The following PLPP7 variants were observed in gnomAD, a reference collection of about 807,000 sequenced individuals.
PLPP7 encodes phospholipid phosphatase 7 (inactive), also known as inactive phospholipid phosphatase 7.
PLPP7 carries 11 observed loss-of-function variants against 16.9 expected under a neutral mutation model. The ratio of observed to expected loss-of-function variants is 0.65; its 90% CI spans 0.41 to 1.08. PLPP7 has a LOEUF of 1.08. PLPP7 is among the 50% of genes least tolerant of loss of function. The probability of loss-of-function intolerance (pLI) is 0.00; values close to 1 mark genes in which losing one functional copy is unlikely to be tolerated. For missense variants in PLPP7, 358 were observed against 397.1 expected, an observed-to-expected ratio of 0.90 and a Z score of 0.84; for synonymous variants, 174 against 175.1, an observed-to-expected ratio of 0.99 and a Z score of 0.05.
At position 131,292,715 on chromosome 9, in the gene PLPP7, G is replaced by T. The variant is rs554352632; in HGVS notation, c.451+2267G>T. 6.7e-5 allele frequency: 56 copies of T among 838,092 alleles called. No individual in the cohort carries two copies. In the South Asian group the frequency reaches 2.6e-3, roughly 38 times the overall value. 51.9% of individuals were successfully genotyped at this position (838,092 alleles called of 1,614,324 possible). On this transcript the variant is annotated intron_variant, in intron 1 of 1. Coordinates refer to ENST00000372264, the MANE Select transcript of PLPP7 (RefSeq NM_032728.4). ...GCTCTAGTAAGGGGGTGAGCTCCCC[G>T]TGGTAGGAGGTATGCAAGCAAGCTG...
Position 131,289,980 on chromosome 9 carries a change from G to A in PLPP7, c.-18G>A, listed in dbSNP as rs762934684. ...GAGCCGGGCTGGCATCGGCCTTCTC[G>A]GGGTGAGCGAGGTCACCATGCCAGC... On this transcript the variant is annotated 5_prime_UTR_variant, in exon 1 of 2. Coordinates refer to ENST00000372264, the MANE Select transcript of PLPP7 (RefSeq NM_032728.4). The A allele has an allele frequency of 2.1e-5, 30 of 1,419,106 alleles. No homozygotes were observed. The highest frequency in any genetic ancestry group is 2.1e-4 in the East Asian group (8 of 38,002). The allele number at this position is 1,419,106 out of a possible 1,614,324, so 87.9% of individuals were successfully genotyped here.
chr9:131,307,794 G>A, intron 1 of PLPP7, 129 bp from the exon 2 acceptor site: 1 of 948,946 alleles, frequency 1.1e-6, no homozygotes, highest in Non-Finnish European at 1.5e-6. Context: ...GACCCTGCCT[G>A]GGGGTCAGTG....
At chr9:131,291,442 T>C in intron 1 of PLPP7, 1 of 1,123,286 alleles carries the variant, frequency 8.9e-7, no homozygotes, top group Non-Finnish European at 1.1e-6. Context: ...ATCTCCCTGC[T>C]CTAGTCTCAG....
At chr9:131,291,823 C>T (rs187233741) in intron 1 of PLPP7, among the ~76,000 whole-genome samples, 48 of 152,310 alleles carry the variant, frequency 3.2e-4, no homozygotes, top group African/African-American at 1.1e-3. Flanking sequence ...CTCAGGTGAT[C>T]CACCCGCCTT....
At chr9:131,292,925 T>C (rs973969892) in intron 1 of PLPP7, 3 of 985,308 alleles carry the variant, frequency 3.0e-6, no homozygotes, top group Non-Finnish European at 3.6e-6. Context: ...AGGATAAAGA[T>C]GAAGATTTGA....
chr9:131,300,880 C>T (rs1281383613), intron 1 of PLPP7, among the ~76,000 whole-genome samples: 1 of 152,042 alleles, frequency 6.6e-6, no homozygotes, highest in Non-Finnish European at 1.5e-5. Flanking sequence ...TTAGTAAAGT[C>T]AGCCTTTCCT....
chr9:131,305,512 C>T (rs1835843816), intron 1 of PLPP7, among the ~76,000 whole-genome samples: 1 of 151,874 alleles, frequency 6.6e-6, no homozygotes, highest in South Asian at 2.1e-4. Flanking sequence ...TATGATTGCA[C>T]CACTACACTC....
rs146571487 is a variant in PLPP7 at position 131,297,158 on chromosome 9, C to T, written c.451+6710C>T. ...ACTGCCCTGGCAGCTGTCCACACAG[C>T]GGATGCAAGAGAAATGCAATAGTTT... On this transcript the variant is annotated intron_variant, in intron 1 of 1. Transcript: ENST00000372264. 2.3e-3 allele frequency among the ~76,000 whole-genome samples: 348 copies of T among 152,334 alleles called. 7 individuals are homozygous for T. The highest frequency in any genetic ancestry group is 0.021 in the Admixed American group (315 of 15,304).
rs565603316 is a variant in PLPP7, at chr9:131,299,167, C to T, written c.451+8719C>T. On this transcript the variant is annotated intron_variant, in intron 1 of 1. Coordinates refer to ENST00000372264, the MANE Select transcript of PLPP7 (RefSeq NM_032728.4). ...GTCCACAAGTGGCCGACCTTGAAGCCGGTCTCTTTCTGGAGCCTGAGTGCG... is the reference window on the plus strand; with the variant it reads ...GTCCACAAGTGGCCGACCTTGAAGCTGGTCTCTTTCTGGAGCCTGAGTGCG... Among the ~76,000 whole-genome samples, 6 of 152,052 alleles carry T rather than the reference C, an allele frequency of 3.9e-5. No homozygotes were observed. The South Asian group carries it at 6.3e-4, about 16-fold the overall frequency.
Position 131,303,488 on chromosome 9 carries a change from C to CTT in PLPP7, c.452-4421_452-4420dup, listed in dbSNP as rs5900928. Among the ~76,000 whole-genome samples, 806 of 143,918 alleles carry CTT rather than the reference C, an allele frequency of 5.6e-3. 6 individuals carry two copies. The highest frequency in any genetic ancestry group is 8.9e-3 in the African/African-American group (348 of 39,230). The allele number at this position is 143,918 out of a possible 152,430, so 94.4% of individuals were successfully genotyped here. ...CTGCAGTGAATAGCATCTTCTGTGT[C>CTT]TTTTTTTTTTTTTTTACTTTTTTTC... On this transcript the variant is annotated intron_variant, in intron 1 of 1. Coordinates refer to ENST00000372264, the MANE Select transcript of PLPP7 (RefSeq NM_032728.4).
Position 131,299,248 on chromosome 9 carries a change from C to T in PLPP7, c.452-8675C>T, listed in dbSNP as rs1278322318. ...TGGAGGCTGAGTGACCTCCCTGAAA[C>T]GTGCACATAGCAGGTCCAGGGCAGT... On this transcript the variant is annotated intron_variant, in intron 1 of 1. Coordinates refer to ENST00000372264, the MANE Select transcript of PLPP7 (RefSeq NM_032728.4). 5.3e-5 allele frequency among the ~76,000 whole-genome samples: 8 copies of T among 152,038 alleles called. 1 individual carries two copies. Among genetic ancestry groups the T allele is most frequent in the Admixed American group, 3.3e-4 (5 of 15,268 alleles).
rs755735882 is a variant in PLPP7 at position 131,289,983 on chromosome 9, G to A, written c.-15G>A. On this transcript the variant is annotated 5_prime_UTR_variant, in exon 1 of 2. In the 5' UTR this introduces an upstream ATG that the reference lacks. Coordinates refer to ENST00000372264, the MANE Select transcript of PLPP7 (RefSeq NM_032728.4). ...CCGGGCTGGCATCGGCCTTCTCGGG[G>A]TGAGCGAGGTCACCATGCCAGCTTC... The A allele has an allele frequency of 1.6e-4, 228 of 1,426,470 alleles. No homozygotes were observed. Among genetic ancestry groups the A allele is most frequent in the Non-Finnish European group, 2.0e-4 (221 of 1,095,090 alleles). The allele number at this position is 1,426,470 out of a possible 1,614,324, so 88.4% of individuals were successfully genotyped here. A position where few individuals can be genotyped will look rare whatever the true frequency, so the allele number is the denominator to read the frequency against.
At chr9:131,301,095 A>G (rs936205088) in intron 1 of PLPP7, among the ~76,000 whole-genome samples, 2 of 152,044 alleles carry the variant, frequency 1.3e-5, no homozygotes, top group South Asian at 2.1e-4. Flanking sequence ...CAGACTCCCA[A>G]GTAGCTGGGA....
rs973220738 is a variant in PLPP7 at position 131,289,723 on chromosome 9, G to A, written c.-275G>A. 6.4e-5 allele frequency: 24 copies of A among 375,830 alleles called. No individual in the cohort carries two copies. The highest frequency in any genetic ancestry group is 3.9e-4 in the African/African-American group (19 of 48,314). The allele number at this position is 375,830 out of a possible 1,614,324, so 23.3% of individuals were successfully genotyped here. ...AGCCCAGGCCCGAGGCAGCCAGGCC[G>A]CAGCTGTGGACTCCTCACCTCCCGG... is the stretch of plus-strand genomic sequence containing the variant. On this transcript the variant is annotated 5_prime_UTR_variant, in exon 1 of 2. Coordinates refer to ENST00000372264, the MANE Select transcript of PLPP7 (RefSeq NM_032728.4).
chr9:131,308,135 G>A lies in PLPP7; in HGVS notation c.664G>A (p.Ala222Thr), dbSNP rs761321190. ...VPLRVLLVLW[A>T]LCVGLSRVMI... ...CCTGCGTGTGCTGCTGGTGCTCTGG[G>A]CCCTCTGCGTGGGCCTGTCCCGCGT... Residue 222 changes from alanine to threonine, a missense_variant, in exon 2 of 2, where the codon GCC (alanine) becomes ACC (threonine). Ala to Thr is a moderately conservative substitution (Grantham distance 58). Transcript: ENST00000372264. 6.9e-6 allele frequency: 11 copies of A among 1,600,942 alleles called. No individual in the cohort carries two copies. In the Admixed American group the frequency reaches 1.2e-4, roughly 17 times the overall value.
chr9:131,297,970 CG>C (rs1303417527), intron 1 of PLPP7, among the ~76,000 whole-genome samples: 30 of 152,108 alleles, frequency 2.0e-4, no homozygotes, highest in African/African-American at 7.2e-4. Context: ...CTGATATAGT[CG>C]GGCTATAAAT....
At position 131,289,971 on chromosome 9, in the gene PLPP7, G is replaced by A. The variant is rs774642840; in HGVS notation, c.-27G>A. ...AGGCCCTTGGAGCCGGGCTGGCATCGGCCTTCTCGGGGTGAGCGAGGTCAC... is the reference window on the plus strand; with the variant it reads ...AGGCCCTTGGAGCCGGGCTGGCATCAGCCTTCTCGGGGTGAGCGAGGTCAC... On this transcript the variant is annotated 5_prime_UTR_variant, in exon 1 of 2. Coordinates refer to ENST00000372264, the MANE Select transcript of PLPP7 (RefSeq NM_032728.4). 3 of 1,400,850 alleles carry A rather than the reference G, an allele frequency of 2.1e-6. No homozygotes were observed. Among genetic ancestry groups the A allele is most frequent in the Admixed American group, 2.9e-5 (1 of 34,708 alleles). The allele number at this position is 1,400,850 out of a possible 1,614,324, so 86.8% of individuals were successfully genotyped here. A position where few individuals can be genotyped will look rare whatever the true frequency, so the allele number is the denominator to read the frequency against.
At chr9:131,296,248 G>T (rs1157672071) in intron 1 of PLPP7, among the ~76,000 whole-genome samples, 1 of 151,980 alleles carries the variant, frequency 6.6e-6, no homozygotes, top group East Asian at 1.9e-4. Context: ...TTTGTTTTTT[G>T]TTTCGTTTTG....
intron 1 of PLPP7, among the ~76,000 whole-genome samples, chr9:131,303,687 C>T (rs1045307867): frequency 3.9e-5 from 6 of 152,146 alleles, no homozygotes; most frequent in Non-Finnish European, 7.4e-5. Context: ...GACTTCCATG[C>T]TTTAGCACTG....
Sources: allele counts gnomAD v4.1 joint callset (sites outside exome capture counted in the v4.1 genomes callset), GRCh38; gene constraint gnomAD v4.1.1; transcripts MANE v1.5; gene names NCBI Gene and HGNC (gene_info 2026-07-23, HGNC 2026-07-21).